The following DHCR7 variants were observed in gnomAD, a reference collection of about 807,000 sequenced individuals.
DHCR7 encodes the protein 7-DHC reductase.
DHCR7 carries 40 observed loss-of-function variants against 43.3 expected under a neutral mutation model. That is an observed-to-expected ratio of 0.92 (90% CI 0.72 to 1.20). DHCR7 has a LOEUF of 1.20. Among genes scored for constraint, DHCR7 ranks in the 50% most tolerant of loss-of-function variants. The probability of loss-of-function intolerance (pLI) is 0.00; values close to 1 mark genes in which losing one functional copy is unlikely to be tolerated. For synonymous variants in DHCR7, 298 were observed against 271.4 expected (o/e 1.10, Z -0.96); for missense variants, 608 against 644.6 (o/e 0.94, Z 0.62).
rs1018489670 is a variant in DHCR7 at position 71,434,877 on chromosome 11, C to T, written c.*498G>A. On this transcript the variant is annotated 3_prime_UTR_variant, in exon 9 of 9. Coordinates refer to ENST00000355527, the MANE Select transcript of DHCR7 (RefSeq NM_001360.3). ...CGTGCACGCTACCAAGGAGAAACGGCGCACGGGCCCCACCCACGACTGCAG... is the reference window on the plus strand; with the variant it reads ...CGTGCACGCTACCAAGGAGAAACGGTGCACGGGCCCCACCCACGACTGCAG... 3.7e-5 allele frequency: 13 copies of T among 352,356 alleles called. No individual in the cohort carries two copies. Among genetic ancestry groups the T allele is most frequent in the Admixed American group, 1.1e-4 (3 of 26,166 alleles). The allele number at this position is 352,356 out of a possible 1,614,324, so 21.8% of individuals were successfully genotyped here. A position where few individuals can be genotyped will look rare whatever the true frequency, so the allele number is the denominator to read the frequency against.
At chr11:71,442,590 G>A (rs1162171729) in intron 4 of DHCR7, among the ~76,000 whole-genome samples, 1 of 152,170 alleles carries the variant, frequency 6.6e-6, no homozygotes, top group African/African-American at 2.4e-5. Flanking sequence ...CCTCAGGAGA[G>A]CGCACAGGTC....
chr11:71,441,414 C>CG lies in DHCR7; in HGVS notation c.438_439insC (p.Gly147ArgfsTer80), dbSNP rs1949347040. ...TGCGTGAGGAGCCAGGCTTGCAGGC[C>CG]ATTGATCTGATACTTGTTCACAACC... On this transcript the variant is annotated frameshift_variant, in exon 6 of 9. Coordinates refer to ENST00000355527, the MANE Select transcript of DHCR7 (RefSeq NM_001360.3). LOFTEE classifies it high-confidence loss of function. 6.2e-7 allele frequency: 1 copy of CG among 1,613,678 alleles called. No individual in the cohort carries two copies. Among genetic ancestry groups the CG allele is most frequent in the Non-Finnish European group, 8.5e-7 (1 of 1,179,794 alleles).
Position 71,438,932 on chromosome 11 carries a change from G to T in DHCR7, c.778C>A (p.Arg260=), listed in dbSNP as rs777617141. 6.2e-7 allele frequency: 1 copy of T among 1,613,994 alleles called. No homozygotes were observed. The highest frequency in any genetic ancestry group is 8.5e-7 in the Non-Finnish European group (1 of 1,180,050). ...LINLSFAAKQ[R]ELHSHVTNAM... ...TTGGTCACATGGCTGTGGAGCTCCCGCTGCTTCGCTGCGAAGGACAGGTTG... is the reference window on the plus strand; with the variant it reads ...TTGGTCACATGGCTGTGGAGCTCCCTCTGCTTCGCTGCGAAGGACAGGTTG... Residue 260 remains arginine (R), a synonymous_variant, in exon 7 of 9, where the codon CGG becomes AGG. Coordinates refer to ENST00000355527, the MANE Select transcript of DHCR7 (RefSeq NM_001360.3).
At chr11:71,439,781 A>G (rs1949329345) in intron 6 of DHCR7, among the ~76,000 whole-genome samples, 1 of 152,214 alleles carries the variant, frequency 6.6e-6, no homozygotes, top group African/African-American at 2.4e-5. Flanking sequence ...GGTAAGTAGA[A>G]AGAAGCAAAA....
At chr11:71,431,244 T>C (rs1156717695), downstream of DHCR7, among the ~76,000 whole-genome samples, 1 of 152,164 alleles carries the variant, frequency 6.6e-6, no homozygotes, top group African/African-American at 2.4e-5. Context: ...GTTGGGTATA[T>C]GTAAAATAGG....
chr11:71,443,812 T>C, intron 4 of DHCR7, 181 bp downstream of exon 4: 1 of 596,336 alleles, frequency 1.7e-6, no homozygotes, highest in South Asian at 2.0e-5. Context: ...AGGTGCCTCC[T>C]GCCTTACAGC....
chr11:71,438,762 G>A, intron 7 of DHCR7, 117 bp downstream of exon 7: 3 of 1,110,430 alleles, frequency 2.7e-6, no homozygotes, highest in Non-Finnish European at 4.0e-6. Flanking sequence ...CCTGGGGAGG[G>A]CAGCTGACTC....
chr11:71,441,129 G>A, intron 6 of DHCR7, 98 bp downstream of exon 6: 2 of 1,119,482 alleles, frequency 1.8e-6, no homozygotes, highest in Non-Finnish European at 2.7e-6. Context: ...GATTCTCAGT[G>A]CTCAGGGCTT....
downstream of DHCR7, among the ~76,000 whole-genome samples, chr11:71,434,165 G>A (rs112016472): frequency 1.3e-5 from 2 of 152,150 alleles, no homozygotes; most frequent in Non-Finnish European, 2.9e-5. Context: ...CATCTCCTTG[G>A]GGGGGAATGG....
In DHCR7 at chr11:71,439,002, C is replaced by T; in HGVS notation, c.708G>A (p.Lys236=). ...NPRIGKWFDF[K]LFFNGRPGIV... is the part of the protein sequence containing the mutation. ...TCCCGGGGCGCCCATTGAAGAACAG[C>T]TTGAAGTCAAACCACTTCCCGATCC... The change falls in exon 7 of 9, where the codon AAG becomes AAA. Residue 236 remains lysine (K), a synonymous_variant. Coordinates refer to ENST00000355527, the MANE Select transcript of DHCR7 (RefSeq NM_001360.3). 6.2e-7 allele frequency: 1 copy of T among 1,614,102 alleles called. No homozygotes were observed. The highest frequency in any genetic ancestry group is 8.5e-7 in the Non-Finnish European group (1 of 1,180,040).
At chr11:71,431,882 G>T (rs1949229982), downstream of DHCR7, among the ~76,000 whole-genome samples, 1 of 152,166 alleles carries the variant, frequency 6.6e-6, no homozygotes, top group Admixed American at 6.5e-5. Context: ...GAGTGCAATG[G>T]CACAATCACG....
chr11:71,445,165 G>A (rs912701926), intron 2 of DHCR7, among the ~76,000 whole-genome samples: 6 of 152,126 alleles, frequency 3.9e-5, no homozygotes, highest in African/African-American at 9.7e-5. Context: ...CACCTCCCAC[G>A]TGACCTTGCT....
chr11:71,438,795 G>T, intron 7 of DHCR7, 84 bp downstream of exon 7: 2 of 1,401,786 alleles, frequency 1.4e-6, no homozygotes, highest in Non-Finnish European at 2.0e-6. Context: ...AGTAGATTAA[G>T]GTCATGGGAA....
At chr11:71,445,109 G>A (rs1949392581) in intron 2 of DHCR7, among the ~76,000 whole-genome samples, 151 bp from the exon 3 acceptor site, 1 of 152,204 alleles carries the variant, frequency 6.6e-6, no homozygotes, top group Admixed American at 6.5e-5. Context: ...TTCCAGGCAG[G>A]GAAGAGATCA....
At chr11:71,438,818 T>C in intron 7 of DHCR7, 61 bp downstream of exon 7, 1 of 1,552,634 alleles carries the variant, frequency 6.4e-7, no homozygotes, top group Non-Finnish European at 8.9e-7. Flanking sequence ...CGCTCTGGCT[T>C]GCGGGTTCCC....
chr11:71,428,709 C>A (rs1949213028), exon 3 of DHCR7: 3 of 390,886 alleles, frequency 7.7e-6, no homozygotes, highest in South Asian at 5.6e-5. Flanking sequence ...CAGCTCCCTG[C>A]AGCTCCCTGC....
chr11:71,435,449 C>T lies in DHCR7; in HGVS notation c.1354G>A (p.Ala452Thr), dbSNP rs140400648. 4.2e-5 allele frequency: 67 copies of T among 1,612,664 alleles called. No individual in the cohort carries two copies. In the East Asian group the frequency reaches 1.1e-3, roughly 27 times the overall value. Residue 452 changes from alanine (A) to threonine (T), a missense_variant, in exon 9 of 9, where the codon GCC (alanine) becomes ACC (threonine). Coordinates refer to ENST00000355527, the MANE Select transcript of DHCR7 (RefSeq NM_001360.3). ...TCCCAGTCCCGGCCGTACTTGCTGG[C>T]GCAGCGGTGCTCGTCCCGGAGGCAG... ...HRCLRDEHRC[A>T]SKYGRDWERY...
At chr11:71,432,017 G>A (rs1255038569), downstream of DHCR7, among the ~76,000 whole-genome samples, 1 of 152,108 alleles carries the variant, frequency 6.6e-6, no homozygotes, top group East Asian at 1.9e-4. Flanking sequence ...ACAGAGATGG[G>A]GTTTCGCCAT....
In DHCR7 at chr11:71,441,382, G is replaced by C. The variant is rs149164866; in HGVS notation, c.471C>G (p.Leu157=). The C allele has an allele frequency of 6.2e-7, 1 of 1,614,238 alleles. No homozygotes were observed. The highest frequency in any genetic ancestry group is 8.5e-7 in the Non-Finnish European group (1 of 1,180,044). The part of the protein sequence containing the change: ...GLQAWLLTHL[L]WFANAHLLSW... ...ACAGGAGATGAGCGTTTGCAAACCA[G>C]AGCAGGTGCGTGAGGAGCCAGGCTT... The change falls in exon 6 of 9, where the codon CTC becomes CTG. Residue 157 remains leucine, a synonymous_variant. Transcript: ENST00000355527.
Sources: gnomAD v4.1 joint callset for allele counts (sites outside exome capture counted in the v4.1 genomes callset) on GRCh38, gnomAD v4.1.1 for gene constraint, MANE v1.5 for transcripts, NCBI Gene and HGNC (gene_info 2026-07-23, HGNC 2026-07-21) for gene names.